Variants in INPP4B observed in about 807,000 individuals in gnomAD.
The protein encoded by INPP4B is inositol polyphosphate-4-phosphatase type II B, also known as inositol polyphosphate 4-phosphatase type II.
A neutral mutation model predicts 122.5 loss-of-function variants in INPP4B; 55 were observed. That is an observed-to-expected ratio of 0.45 (90% CI 0.36 to 0.56). INPP4B has a LOEUF of 0.56. Ranked by LOEUF, INPP4B falls within the 20% of genes least tolerant of loss-of-function variation. INPP4B has a pLI of 0.00. For synonymous variants in INPP4B, 403 were observed against 388.7 expected (o/e 1.04, Z -0.43); for missense variants, 1,000 against 1,097.7 (o/e 0.91, Z 1.26).
Position 142,173,654 on chromosome 4 carries a change from G to T in INPP4B, c.1337C>A (p.Ser446Tyr). The change falls in exon 16 of 26, where the codon TCT becomes TAT. Residue 446 changes from serine (S) to tyrosine (Y), a missense_variant. Coordinates refer to ENST00000262992, the MANE Select transcript of INPP4B (RefSeq NM_001101669.3). ...TACTTTTTCTGAAAGCATCTTTAAA[G>T]AATTCTTCAAGCTGTCTGGAGAATG... ...SQHSPDSLKN[S>Y]LKMLSEKTEL... The T allele has an allele frequency of 8.7e-6, 14 of 1,611,816 alleles. No homozygotes were observed. The highest frequency in any genetic ancestry group is 1.1e-5 in the Non-Finnish European group (13 of 1,178,944).
intron 22 of INPP4B, 98 bp downstream of exon 22, chr4:142,112,444 T>C: frequency 8.6e-7 from 1 of 1,165,722 alleles, no homozygotes. Flanking sequence ...TACTCATAAA[T>C]TGATGTTAGT....
intron 7 of INPP4B, among the ~76,000 whole-genome samples, chr4:142,380,325 C>T (rs181950599): frequency 3.9e-5 from 6 of 152,262 alleles, no homozygotes; most frequent in South Asian, 2.1e-4. Flanking sequence ...TCTTCTGCTC[C>T]GACCCACCTT....
intron 25 of INPP4B, among the ~76,000 whole-genome samples, chr4:142,067,250 C>T (rs1764028224): frequency 6.6e-6 from 1 of 152,196 alleles, no homozygotes; most frequent in Non-Finnish European, 1.5e-5. Flanking sequence ...AACAGACCTG[C>T]AGCTGAGGGT....
intron 18 of INPP4B, among the ~76,000 whole-genome samples, chr4:142,137,750 G>C (rs1243286866): frequency 2.7e-5 from 4 of 150,720 alleles, no homozygotes; most frequent in African/African-American, 9.7e-5. Flanking sequence ...CTTCTCAAAA[G>C]AAGACATTTA....
chr4:142,387,035 G>A (rs1198201428), intron 7 of INPP4B, among the ~76,000 whole-genome samples: 2 of 152,058 alleles, frequency 1.3e-5, no homozygotes, highest in Admixed American at 1.3e-4. Flanking sequence ...GCAAATTTTT[G>A]TTCCAAACTG....
At chr4:142,503,821 T>C (rs138605536) in intron 2 of INPP4B, among the ~76,000 whole-genome samples, 33 of 152,172 alleles carry the variant, frequency 2.2e-4, no homozygotes, top group Middle Eastern at 3.4e-3. Flanking sequence ...AGAAAATACC[T>C]AGAAATAGAT....
intron 25 of INPP4B, among the ~76,000 whole-genome samples, chr4:142,047,092 C>A (rs916682729): frequency 6.6e-6 from 1 of 152,078 alleles, no homozygotes; most frequent in South Asian, 2.1e-4. Context: ...CTGACACTTG[C>A]AACGATTCTC....
intron 17 of INPP4B, among the ~76,000 whole-genome samples, chr4:142,159,705 C>A (rs900800939): frequency 6.6e-6 from 1 of 151,984 alleles, no homozygotes; most frequent in African/African-American, 2.4e-5. Context: ...TAATAACACC[C>A]TGTTCCTCTG....
intron 2 of INPP4B, among the ~76,000 whole-genome samples, chr4:142,513,823 T>C (rs1825070418): frequency 1.3e-5 from 2 of 152,158 alleles, no homozygotes; most frequent in South Asian, 4.1e-4. Flanking sequence ...GATTAGGATT[T>C]AAACATATGA....
At chr4:142,641,274 T>C (rs1398404491) in intron 2 of INPP4B, among the ~76,000 whole-genome samples, 2 of 152,074 alleles carry the variant, frequency 1.3e-5, no homozygotes, top group Non-Finnish European at 2.9e-5. Context: ...TTTCATTTTA[T>C]ATATATTTAT....
intron 1 of INPP4B, among the ~76,000 whole-genome samples, chr4:142,837,492 T>C (rs1782940898): frequency 6.6e-6 from 1 of 152,158 alleles, no homozygotes; most frequent in African/African-American, 2.4e-5. Context: ...AAATAAGTTT[T>C]CGAACATTTA....
rs1455897755 is a variant in INPP4B at position 142,249,061 on chromosome 4, G to A, written c.689-11050C>T. The stretch of plus-strand genomic sequence containing the variant: ...TATTTGGTGAAAAAGAATCAAAGCT[G>A]TGAAGCAAGATGTACAAATACCGGT... On this transcript the variant is annotated intron_variant, in intron 11 of 25. Coordinates refer to ENST00000262992, the MANE Select transcript of INPP4B (RefSeq NM_001101669.3). Among the ~76,000 whole-genome samples, 2 of 151,990 alleles carry A rather than the reference G, an allele frequency of 1.3e-5. 1 individual carries two copies. The highest frequency in any genetic ancestry group is 2.9e-5 in the Non-Finnish European group (2 of 68,006).
chr4:142,198,428 C>A (rs2149417120), intron 14 of INPP4B, among the ~76,000 whole-genome samples: 1 of 151,842 alleles, frequency 6.6e-6, no homozygotes, highest in African/African-American at 2.4e-5. Context: ...GGTATCATTT[C>A]TATTCTTGTT....
chr4:142,474,682 C>T (rs951746783), intron 2 of INPP4B, among the ~76,000 whole-genome samples: 8 of 152,044 alleles, frequency 5.3e-5, no homozygotes, highest in Admixed American at 2.6e-4. Context: ...AGGCAGTCAA[C>T]GCCTACTAGA....
chr4:142,449,347 A>T (rs1159748320), intron 3 of INPP4B, among the ~76,000 whole-genome samples: 9 of 152,170 alleles, frequency 5.9e-5, no homozygotes, highest in Admixed American at 3.9e-4. Flanking sequence ...CAGCATCTGT[A>T]TTACCCAGAA....
chr4:142,364,822 T>C (rs1786811067), intron 7 of INPP4B, among the ~76,000 whole-genome samples: 2 of 152,048 alleles, frequency 1.3e-5, no homozygotes, highest in African/African-American at 4.8e-5. Context: ...GAGAATCAGC[T>C]ATGCAACTAG....
Position 142,602,913 on chromosome 4 carries a change from ATGT to A in INPP4B, c.-191+122923_-191+122925del, listed in dbSNP as rs1355045054. On this transcript the variant is annotated intron_variant, in intron 2 of 25. Coordinates refer to ENST00000262992, the MANE Select transcript of INPP4B (RefSeq NM_001101669.3). ...CTATTATAAAGATATATGCATGAAT[ATGT>A]TCCTTGCAGTGCTATTTACAATAGC... Among the ~76,000 whole-genome samples, 3 of 152,220 alleles carry A rather than the reference ATGT, an allele frequency of 2.0e-5. No individual in the cohort carries two copies. The East Asian group carries it at 5.8e-4, about 29-fold the overall frequency.
intron 1 of INPP4B, among the ~76,000 whole-genome samples, chr4:142,776,514 C>A (rs941494913): frequency 6.6e-6 from 1 of 152,084 alleles, no homozygotes; most frequent in East Asian, 1.9e-4. Context: ...TTTGCACTGG[C>A]TTTCTTAGGT....
chr4:142,031,339 A>G (rs1739916574), intron 25 of INPP4B, among the ~76,000 whole-genome samples: 1 of 152,204 alleles, frequency 6.6e-6, no homozygotes, highest in Admixed American at 6.5e-5. Flanking sequence ...GAAGCTCCTT[A>G]GCCATGGCTG....
Sources: gnomAD v4.1 joint callset for allele counts (sites outside exome capture counted in the v4.1 genomes callset) on GRCh38, gnomAD v4.1.1 for gene constraint, MANE v1.5 for transcripts, NCBI Gene and HGNC (gene_info 2026-07-23, HGNC 2026-07-21) for gene names.